Variants in TBX19 observed in about 807,000 individuals in gnomAD.
TBX19 encodes T-box transcription factor TBX19.
TBX19 carries 33 observed loss-of-function variants against 40.9 expected under a neutral mutation model. That is an observed-to-expected ratio of 0.81 (90% CI 0.61 to 1.08). The LOEUF (loss-of-function observed/expected upper bound fraction) is 1.08. TBX19 is among the 50% of genes least tolerant of loss of function. The pLI, the probability that TBX19 is intolerant of heterozygous loss-of-function variation, is 0.00. For missense variants in TBX19, 494 were observed against 574.0 expected, an observed-to-expected ratio of 0.86 and a Z score of 1.42; for synonymous variants, 220 against 225.0, an observed-to-expected ratio of 0.98 and a Z score of 0.20.
intron 1 of TBX19, among the ~76,000 whole-genome samples, chr1:168,290,470 G>T (rs1314761603): frequency 6.6e-6 from 1 of 152,182 alleles, no homozygotes; most frequent in Non-Finnish European, 1.5e-5. Context: ...TATGTTAAAG[G>T]CCCTGCCTGA....
At chr1:168,282,669 C>T (rs1010305142) in intron 1 of TBX19, among the ~76,000 whole-genome samples, 14 of 152,198 alleles carry the variant, frequency 9.2e-5, no homozygotes, top group African/African-American at 3.4e-4. Flanking sequence ...AGAATTACAC[C>T]AAATTCTTAA....
intron 3 of TBX19, among the ~76,000 whole-genome samples, chr1:168,297,465 G>T (rs1338290531): frequency 6.6e-6 from 1 of 152,192 alleles, no homozygotes; most frequent in Non-Finnish European, 1.5e-5. Context: ...ACTTTACATG[G>T]CATTAGCATT....
intron 3 of TBX19, 73 bp downstream of exon 3, chr1:168,293,351 A>T: frequency 6.8e-6 from 10 of 1,477,856 alleles, no homozygotes; most frequent in Admixed American, 2.0e-5. Flanking sequence ...AGATCATGGC[A>T]GGATGGGCGG....
At chr1:168,298,822 C>CCCTCCCTCCCTCCCTTTCCTTCCTT (rs1553289837) in intron 4 of TBX19, among the ~76,000 whole-genome samples, 1 of 9,788 alleles carries the variant, frequency 1.0e-4, no homozygotes, top group Admixed American at 9.5e-4. Flanking sequence ...TCCCTCCCTT[C>CCCTCCCTCCCTCCCTTTCCTTCCTT]CTTTCTTTCT....
intron 1 of TBX19, among the ~76,000 whole-genome samples, chr1:168,285,782 A>G (rs1003502): frequency 0.63 from 95,763 of 152,124 alleles, 30,360 homozygotes; most frequent in Non-Finnish European, 0.68. Flanking sequence ...AAATGGGGAA[A>G]AAAATCACCT....
At chr1:168,291,632 AAG>A (rs1648946465) in intron 2 of TBX19, among the ~76,000 whole-genome samples, 1 of 152,164 alleles carries the variant, frequency 6.6e-6, no homozygotes, top group Non-Finnish European at 1.5e-5. Context: ...TCCTGATGTT[AAG>A]AGAGTGAGAG....
At chr1:168,294,746 T>C (rs1237259427) in intron 3 of TBX19, among the ~76,000 whole-genome samples, 1 of 152,058 alleles carries the variant, frequency 6.6e-6, no homozygotes, top group East Asian at 1.9e-4. Flanking sequence ...AGGTGATCCA[T>C]CCACCTCGGC....
intron 1 of TBX19, 116 bp downstream of exon 1, chr1:168,281,409 A>G: frequency 1.1e-6 from 1 of 946,308 alleles, no homozygotes; most frequent in Non-Finnish European, 1.7e-6. Flanking sequence ...CTGATTAAAC[A>G]TGCTTACAGG....
At chr1:168,289,536 C>T (rs543167124) in intron 1 of TBX19, among the ~76,000 whole-genome samples, 20 of 152,262 alleles carry the variant, frequency 1.3e-4, no homozygotes, top group East Asian at 3.9e-4. Flanking sequence ...TGGAATGCAT[C>T]GTCTGATGCA....
At chr1:168,282,047 CG>C (rs1648666610) in intron 1 of TBX19, among the ~76,000 whole-genome samples, 1 of 152,154 alleles carries the variant, frequency 6.6e-6, no homozygotes, top group Non-Finnish European at 1.5e-5. Flanking sequence ...GTAGAGGAGA[CG>C]CAAATATTTT....
intron 5 of TBX19, among the ~76,000 whole-genome samples, chr1:168,301,334 C>T (rs1348942321): frequency 2.0e-5 from 3 of 152,012 alleles, no homozygotes; most frequent in African/African-American, 7.3e-5. Context: ...CCAGTCTTGG[C>T]TCACTGCAAC....
intron 7 of TBX19, among the ~76,000 whole-genome samples, chr1:168,312,468 G>A (rs1015419999): frequency 1.4e-4 from 22 of 152,276 alleles, no homozygotes; most frequent in African/African-American, 3.9e-4. Flanking sequence ...CAAATAATTC[G>A]CTGGTGGCCG....
intron 1 of TBX19, among the ~76,000 whole-genome samples, chr1:168,282,897 A>G (rs748596338): frequency 6.6e-6 from 1 of 152,246 alleles, no homozygotes; most frequent in Non-Finnish European, 1.5e-5. Flanking sequence ...TGGTTCATCT[A>G]TTTCAATAAG....
chr1:168,308,998 A>G, intron 7 of TBX19, 121 bp downstream of exon 7: 2 of 1,394,870 alleles, frequency 1.4e-6, no homozygotes, highest in Middle Eastern at 1.8e-4. Flanking sequence ...TGACTTCTAA[A>G]ACACTAAGAA....
intron 1 of TBX19, among the ~76,000 whole-genome samples, chr1:168,289,226 G>A (rs191789731): frequency 6.6e-6 from 1 of 152,080 alleles, no homozygotes; most frequent in Non-Finnish European, 1.5e-5. Context: ...TTTGCAAACG[G>A]CATTTGTGTT....
intron 1 of TBX19, among the ~76,000 whole-genome samples, chr1:168,289,100 AC>A (rs1443210021): frequency 6.6e-6 from 1 of 152,212 alleles, no homozygotes; most frequent in African/African-American, 2.4e-5. Context: ...GAAACACTGG[AC>A]CAGAACACAG....
At chr1:168,301,017 C>T (rs1029073625) in intron 5 of TBX19, among the ~76,000 whole-genome samples, 1 of 152,222 alleles carries the variant, frequency 6.6e-6, no homozygotes, top group East Asian at 1.9e-4. Flanking sequence ...TTACCTTGTC[C>T]ATGTCCCAGG....
At chr1:168,309,539 A>G (rs1257615997) in intron 7 of TBX19, among the ~76,000 whole-genome samples, 1 of 152,226 alleles carries the variant, frequency 6.6e-6, no homozygotes, top group African/African-American at 2.4e-5. Flanking sequence ...GTCAAGACCC[A>G]TGATTGTCCA....
chr1:168,304,264 G>A (rs570935749), intron 5 of TBX19, among the ~76,000 whole-genome samples: 12 of 152,196 alleles, frequency 7.9e-5, no homozygotes, highest in Non-Finnish European at 1.6e-4. Flanking sequence ...GGCAATTTCA[G>A]GGAAGAAGTG....
Sources: allele counts gnomAD v4.1 joint callset (sites outside exome capture counted in the v4.1 genomes callset), GRCh38; gene constraint gnomAD v4.1.1; transcripts MANE v1.5; gene names NCBI Gene and HGNC (gene_info 2026-07-23, HGNC 2026-07-21).